GPR176: variants seen among roughly 807,000 people sequenced by gnomAD.
GPR176 encodes the protein G protein-coupled receptor 176, also known as G-protein coupled receptor 176.
GPR176 carries 26 observed loss-of-function variants against 35.4 expected under a neutral mutation model. The observed-to-expected ratio is 0.74, with a 90% CI of 0.54 to 1.02. The LOEUF is 1.02. Among genes scored for constraint, GPR176 ranks in the 50% least tolerant of loss-of-function variants. The pLI is 0.00. For missense variants in GPR176, 597 were observed against 665.3 expected (o/e 0.90, Z 1.13); for synonymous variants, 278 against 271.3 (o/e 1.02, Z -0.24).
At chr15:39,914,306 ATTCTT>A (rs2033665319) in intron 1 of GPR176, among the ~76,000 whole-genome samples, 1 of 116,814 alleles carries the variant, frequency 8.6e-6, no homozygotes, top group Non-Finnish European at 1.7e-5. Flanking sequence ...AGGATATCTT[ATTCTT>A]TTTTTTTTTT....
intron 1 of GPR176, among the ~76,000 whole-genome samples, chr15:39,848,294 G>C (rs1292626942): frequency 6.6e-6 from 1 of 152,142 alleles, no homozygotes; most frequent in African/African-American, 2.4e-5. Context: ...AAATGTATAT[G>C]CATCAAACAA....
At chr15:39,890,317 T>G (rs2032825163) in intron 1 of GPR176, among the ~76,000 whole-genome samples, 1 of 152,162 alleles carries the variant, frequency 6.6e-6, no homozygotes, top group African/African-American at 2.4e-5. Context: ...CTAATTCGGG[T>G]TTTTTGCAGG....
intron 1 of GPR176, among the ~76,000 whole-genome samples, chr15:39,877,753 G>A (rs753389291): frequency 1.3e-5 from 2 of 151,872 alleles, no homozygotes; most frequent in Non-Finnish European, 2.9e-5. Context: ...GCAGAGATGG[G>A]GTTTCACAAT....
At chr15:39,879,885 A>T (rs990144778) in intron 1 of GPR176, among the ~76,000 whole-genome samples, 2 of 152,162 alleles carry the variant, frequency 1.3e-5, no homozygotes, top group Non-Finnish European at 2.9e-5. Flanking sequence ...ATCAGCCTCC[A>T]GGTAACTCCT....
chr15:39,880,440 T>A (rs275734), intron 1 of GPR176, among the ~76,000 whole-genome samples: 151,768 of 152,284 alleles, frequency 1, 75,627 homozygotes, highest in Middle Eastern at 1. Context: ...AGGTCCACTC[T>A]ACATTAGGTG....
At chr15:39,835,859 C>A (rs1901369635) in intron 1 of GPR176, among the ~76,000 whole-genome samples, 1 of 152,062 alleles carries the variant, frequency 6.6e-6, no homozygotes, top group Admixed American at 6.6e-5. Context: ...TTCTGGGAGG[C>A]CCAGGAGGGC....
At chr15:39,906,781 A>C (rs1345862302) in intron 1 of GPR176, among the ~76,000 whole-genome samples, 2 of 152,228 alleles carry the variant, frequency 1.3e-5, no homozygotes, top group African/African-American at 4.8e-5. Flanking sequence ...AAGGCCCCTA[A>C]GTCTCATGCA....
intron 1 of GPR176, among the ~76,000 whole-genome samples, chr15:39,905,410 A>G (rs1263989228): frequency 1.3e-5 from 2 of 149,146 alleles, no homozygotes; most frequent in Admixed American, 6.8e-5. Flanking sequence ...TTGGAGTTTG[A>G]GACTAGCTTA....
chr15:39,890,472 G>A (rs899718549), intron 1 of GPR176, among the ~76,000 whole-genome samples: 14 of 152,322 alleles, frequency 9.2e-5, no homozygotes, highest in East Asian at 3.9e-4. Flanking sequence ...GAGGAGATAC[G>A]CCTTAGGCGC....
chr15:39,885,890 T>G (rs1468443573), intron 1 of GPR176, among the ~76,000 whole-genome samples: 1 of 152,186 alleles, frequency 6.6e-6, no homozygotes, highest in Non-Finnish European at 1.5e-5. Flanking sequence ...GACAATTCAA[T>G]GCAATTTCCC....
intron 2 of GPR176, among the ~76,000 whole-genome samples, chr15:39,804,141 T>C (rs2140777332): frequency 6.6e-6 from 1 of 152,320 alleles, no homozygotes; most frequent in East Asian, 1.9e-4. Context: ...TTCCATTAAT[T>C]TCCAATCCCG....
chr15:39,875,691 G>A (rs534431756), intron 1 of GPR176, among the ~76,000 whole-genome samples: 1 of 152,216 alleles, frequency 6.6e-6, no homozygotes, highest in East Asian at 1.9e-4. Context: ...TTTTAGTGCC[G>A]AGCCTCCTTA....
intron 1 of GPR176, among the ~76,000 whole-genome samples, chr15:39,847,500 C>T (rs763731311): frequency 6.6e-6 from 1 of 152,064 alleles, no homozygotes; most frequent in Non-Finnish European, 1.5e-5. Context: ...AATCCCAGCA[C>T]TTTGGGAGGC....
intron 1 of GPR176, among the ~76,000 whole-genome samples, chr15:39,848,915 T>C (rs1200727225): frequency 1.2e-5 from 1 of 84,858 alleles, no homozygotes; most frequent in African/African-American, 4.6e-5. Context: ...AAAAGCAAAG[T>C]AAAAAAAAAA....
chr15:39,821,019 T>G (rs1376368192), intron 1 of GPR176, among the ~76,000 whole-genome samples: 2 of 152,212 alleles, frequency 1.3e-5, no homozygotes, highest in African/African-American at 4.8e-5. Flanking sequence ...TTTCTAAGCA[T>G]CCAAGATTCA....
At chr15:39,913,984 C>T (rs749705) in intron 1 of GPR176, among the ~76,000 whole-genome samples, 15,877 of 151,872 alleles carry the variant, frequency 0.1, 1,194 homozygotes, top group Admixed American at 0.24. Flanking sequence ...AGGCGGACCT[C>T]GCAGTGAGCT....
At chr15:39,916,777 A>G (rs949883843) in intron 1 of GPR176, among the ~76,000 whole-genome samples, 8 of 152,348 alleles carry the variant, frequency 5.3e-5, no homozygotes, top group African/African-American at 1.9e-4. Flanking sequence ...TTACTTTTCA[A>G]TCATACAGAT....
intron 1 of GPR176, among the ~76,000 whole-genome samples, chr15:39,836,243 T>C (rs1901392867): frequency 6.6e-6 from 1 of 152,222 alleles, no homozygotes; most frequent in South Asian, 2.1e-4. Context: ...CCAAATCTCA[T>C]GCTGAAATGT....
chr15:39,835,117 A>C (rs1484584750), intron 1 of GPR176, among the ~76,000 whole-genome samples: 3 of 152,120 alleles, frequency 2.0e-5, no homozygotes, highest in African/African-American at 7.2e-5. Flanking sequence ...TCCTGGGTTC[A>C]AGCAATTCTC....
Sources: gnomAD v4.1 joint callset for allele counts (sites outside exome capture counted in the v4.1 genomes callset) on GRCh38, gnomAD v4.1.1 for gene constraint, MANE v1.5 for transcripts, NCBI Gene and HGNC (gene_info 2026-07-23, HGNC 2026-07-21) for gene names.